Variants in HIVEP3 observed in about 807,000 individuals in gnomAD.
HIVEP3 encodes transcription factor HIVEP3.
HIVEP3 carries 49 observed loss-of-function variants against 152.8 expected under a neutral mutation model. That is an observed-to-expected ratio of 0.32 (90% CI 0.26 to 0.41). The LOEUF is 0.41. Among genes scored for constraint, HIVEP3 ranks in the 10% least tolerant of loss-of-function variants. The probability of loss-of-function intolerance (pLI) is 1.00; values close to 1 mark genes in which losing one functional copy is unlikely to be tolerated. For missense variants in HIVEP3, 2,790 were observed against 3,103.3 expected (o/e 0.90, Z 2.40); for synonymous variants, 1,269 against 1,289.0 (o/e 0.98, Z 0.33).
At position 41,678,563 on chromosome 1, in the gene HIVEP3, C is replaced by T. The variant is rs560770348; in HGVS notation, c.-721+22353G>A. 5.3e-5 allele frequency among the ~76,000 whole-genome samples: 8 copies of T among 152,122 alleles called. No homozygotes were observed. The South Asian group carries it at 8.3e-4, about 16-fold the overall frequency. ...TCCTCTCCACCCACACACCTCTTCC[C>T]CAGAACCACAACCACACAGCAGCAG... is the stretch of plus-strand genomic sequence containing the variant. On this transcript the variant is annotated intron_variant, in intron 2 of 8. Transcript: ENST00000372583.
intron 1 of HIVEP3, among the ~76,000 whole-genome samples, chr1:41,902,003 A>C (rs1644632993): frequency 6.6e-6 from 1 of 152,084 alleles, no homozygotes; most frequent in South Asian, 2.1e-4. Flanking sequence ...GTATTGAATG[A>C]ATGAAACAGA....
intron 3 of HIVEP3, among the ~76,000 whole-genome samples, chr1:41,608,575 G>T (rs1644853950): frequency 6.6e-6 from 1 of 152,166 alleles, no homozygotes; most frequent in African/African-American, 2.4e-5. Context: ...TGCTTTGTTG[G>T]CTCTCAGCTT....
intron 3 of HIVEP3, among the ~76,000 whole-genome samples, chr1:41,615,095 T>C (rs1337527884): frequency 6.6e-6 from 1 of 152,234 alleles, no homozygotes; most frequent in African/African-American, 2.4e-5. Flanking sequence ...TTCTCAGAAA[T>C]AATGCCATCG....
intron 1 of HIVEP3, among the ~76,000 whole-genome samples, chr1:41,929,699 T>C (rs1644985974): frequency 1.4e-5 from 2 of 145,662 alleles, no homozygotes; most frequent in Non-Finnish European, 3.0e-5. Context: ...TATCAGTGTA[T>C]ATGTGTGAGT....
At chr1:41,980,759 G>A (rs1645289560) in intron 1 of HIVEP3, among the ~76,000 whole-genome samples, 1 of 152,198 alleles carries the variant, frequency 6.6e-6, no homozygotes. Context: ...CCATGGGCTC[G>A]AGCTGTTTGA....
At position 41,918,714 on chromosome 1, in the gene HIVEP3, C is replaced by G. The variant is rs1452014374; in HGVS notation, c.-1102G>C. The G allele has an allele frequency of 6.6e-6, 1 of 152,154 alleles. No individual in the cohort carries two copies. Among genetic ancestry groups the G allele is most frequent in the Non-Finnish European group, 1.5e-5 (1 of 68,044 alleles). The allele number at this position is 152,154 out of a possible 1,614,324, so 9.4% of individuals were successfully genotyped here. On this transcript the variant is annotated 5_prime_UTR_variant, in exon 1 of 9. Transcript: ENST00000372583. The surrounding 1 kb of genome is among the most constrained non-coding windows in gnomAD (Gnocchi z 4.3). ...AGAGTCGGCTGGTTGTGAGCATGCTCGCGCCGGGAACAGATCCACCCTCTG... is the reference window on the plus strand; with the variant it reads ...AGAGTCGGCTGGTTGTGAGCATGCTGGCGCCGGGAACAGATCCACCCTCTG...
chr1:41,688,160 C>T (rs1459695954), intron 2 of HIVEP3, among the ~76,000 whole-genome samples: 1 of 152,212 alleles, frequency 6.6e-6, no homozygotes, highest in African/African-American at 2.4e-5. Context: ...GACAGGTGAC[C>T]TCCAGATAGC....
Position 41,513,607 on chromosome 1 carries a change from C to A in HIVEP3, c.5614G>T (p.Asp1872Tyr). 2.5e-6 allele frequency: 4 copies of A among 1,613,908 alleles called. No individual in the cohort carries two copies. Among genetic ancestry groups the A allele is most frequent in the Non-Finnish European group, 3.4e-6 (4 of 1,179,992 alleles). The change falls in exon 8 of 9, where the codon GAT (aspartate) becomes TAT (tyrosine). Residue 1872 changes from aspartate to tyrosine, a missense_variant. This residue lies in a region of HIVEP3 where 816 missense variants were observed against 806.5 expected (regional missense o/e 1.01). Transcript: ENST00000372583. Reference protein sequence around the residue: ...DEDEDEEESQDELSRPSSEAP... With the variant: ...DEDEDEEESQYELSRPSSEAP... ...TCTGAGGATGGTCTGGACAGCTCAT[C>A]CTGGCTCTCCTCCTCATCCTCATCC...
At chr1:41,998,496 C>T (rs1177917982) in intron 1 of HIVEP3, among the ~76,000 whole-genome samples, 2 of 152,158 alleles carry the variant, frequency 1.3e-5, no homozygotes, top group Admixed American at 6.5e-5. Flanking sequence ...GAATACTGAG[C>T]ATTTCAGATA....
intron 5 of HIVEP3, among the ~76,000 whole-genome samples, chr1:41,570,164 G>A (rs1407707286): frequency 6.6e-6 from 1 of 152,184 alleles, no homozygotes; most frequent in Non-Finnish European, 1.5e-5. Context: ...CCTGGGGCTG[G>A]GCCATGTGGA....
chr1:41,905,946 G>A (rs553397041), intron 1 of HIVEP3, among the ~76,000 whole-genome samples: 5 of 152,164 alleles, frequency 3.3e-5, no homozygotes, highest in African/African-American at 1.2e-4. Context: ...GTGAGTGTTC[G>A]TGGCAGCTTC....
chr1:41,991,417 C>G (rs371365543), intron 1 of HIVEP3, among the ~76,000 whole-genome samples: 2 of 151,292 alleles, frequency 1.3e-5, no homozygotes, highest in African/African-American at 2.4e-5. Flanking sequence ...ATAAATTCCT[C>G]GACACATACA....
intron 1 of HIVEP3, among the ~76,000 whole-genome samples, chr1:41,794,842 A>T (rs1649896906): frequency 6.6e-6 from 1 of 152,248 alleles, no homozygotes; most frequent in South Asian, 2.1e-4. Context: ...AATTGCAAAG[A>T]TAGTGCAGAG....
intron 6 of HIVEP3, among the ~76,000 whole-genome samples, chr1:41,524,321 T>C (rs1438455662): frequency 6.6e-6 from 1 of 151,986 alleles, no homozygotes; most frequent in Non-Finnish European, 1.5e-5. Context: ...GGGAGTGGAA[T>C]GGATTTCCAA....
At chr1:41,835,682 G>A (rs1422164997) in intron 1 of HIVEP3, among the ~76,000 whole-genome samples, 1 of 152,204 alleles carries the variant, frequency 6.6e-6, no homozygotes, top group African/African-American at 2.4e-5. Flanking sequence ...AATGGATGTA[G>A]ATCACGCTAA....
At chr1:41,846,549 G>T (rs1225750064) in intron 1 of HIVEP3, among the ~76,000 whole-genome samples, 1 of 152,234 alleles carries the variant, frequency 6.6e-6, no homozygotes, top group Non-Finnish European at 1.5e-5. Flanking sequence ...TAGCCTAAAG[G>T]ATACACCTGA....
intron 3 of HIVEP3, among the ~76,000 whole-genome samples, chr1:41,604,077 T>C (rs773596979): frequency 2.6e-5 from 4 of 152,202 alleles, no homozygotes; most frequent in East Asian, 1.9e-4. Context: ...TTCTTGTGCA[T>C]TGTTAGTGGG....
intron 1 of HIVEP3, among the ~76,000 whole-genome samples, chr1:41,979,631 A>T (rs1645283741): frequency 6.6e-6 from 1 of 152,166 alleles, no homozygotes; most frequent in Non-Finnish European, 1.5e-5. Flanking sequence ...TCTAATGGGA[A>T]TCAGCTCACC....
chr1:41,676,086 C>T (rs895783695), intron 2 of HIVEP3, among the ~76,000 whole-genome samples: 3 of 151,718 alleles, frequency 2.0e-5, no homozygotes, highest in Non-Finnish European at 2.9e-5. Flanking sequence ...GAGTCTTGCT[C>T]TGTCCCTCAG....
Sources: gnomAD v4.1 joint callset for allele counts (sites outside exome capture counted in the v4.1 genomes callset) on GRCh38, gnomAD v4.1.1 for gene constraint, gnomAD v4.1.1 regional missense constraint, Gnocchi (gnomAD v3.1) non-coding constraint, MANE v1.5 for transcripts, NCBI Gene and HGNC (gene_info 2026-07-23, HGNC 2026-07-21) for gene names.